SUGCT: variants seen among roughly 807,000 people sequenced by gnomAD.
SUGCT encodes the protein succinyl-CoA:glutarate CoA-transferase.
In SUGCT, 41 loss-of-function variants were observed where a neutral mutation model predicts 55.0. The ratio of observed to expected loss-of-function variants is 0.74; its 90% confidence interval spans 0.58 to 0.97. The LOEUF (loss-of-function observed/expected upper bound fraction) is 0.97. SUGCT is among the 50% of genes least tolerant of loss of function. The pLI, the probability that SUGCT is intolerant of heterozygous loss-of-function variation, is 0.00. For synonymous variants in SUGCT, 187 were observed against 200.4 expected (o/e 0.93, Z 0.56); for missense variants, 568 against 547.8 (o/e 1.04, Z -0.37).
the SUGCT span, among the ~76,000 whole-genome samples, chr7:41,018,174 C>T: frequency 6.6e-6 from 1 of 151,938 alleles, no homozygotes; most frequent in South Asian, 2.1e-4. Flanking sequence ...TGCCTATGGA[C>T]CGCTGCAAGG....
chr7:40,319,493 A>G (rs906655001), intron 9 of SUGCT, among the ~76,000 whole-genome samples: 12 of 152,158 alleles, frequency 7.9e-5, no homozygotes, highest in African/African-American at 2.9e-4. Flanking sequence ...GCTGTCTATA[A>G]TGGAAGACTC....
chr7:40,364,482 C>A (rs1385228422), intron 9 of SUGCT, among the ~76,000 whole-genome samples: 1 of 152,130 alleles, frequency 6.6e-6, no homozygotes, highest in African/African-American at 2.4e-5. Flanking sequence ...TTAGTGCTTC[C>A]TTCAGGAGCT....
the SUGCT span, among the ~76,000 whole-genome samples, chr7:40,889,222 A>G: frequency 6.6e-6 from 1 of 152,136 alleles, no homozygotes; most frequent in Admixed American, 6.5e-5. Context: ...GCTGGCTGTC[A>G]TGGCTCTCAA....
At chr7:40,156,922 C>G (rs528767522) in intron 1 of SUGCT, among the ~76,000 whole-genome samples, 1 of 147,926 alleles carries the variant, frequency 6.8e-6, no homozygotes, top group African/African-American at 2.5e-5. Context: ...GGCTGAGGTA[C>G]GAGAATCGCT....
intron 1 of SUGCT, among the ~76,000 whole-genome samples, chr7:40,175,764 T>C (rs1784895406): frequency 6.6e-6 from 1 of 152,102 alleles, no homozygotes; most frequent in Non-Finnish European, 1.5e-5. Flanking sequence ...TAACATTAAA[T>C]ATACTGCAAG....
chr7:40,435,011 C>T (rs922787615), intron 9 of SUGCT, among the ~76,000 whole-genome samples: 7 of 152,218 alleles, frequency 4.6e-5, no homozygotes, highest in South Asian at 2.1e-4. Flanking sequence ...TCCCATAGTT[C>T]GCCAAGCCGA....
chr7:40,646,345 G>A (rs973721235), intron 12 of SUGCT, among the ~76,000 whole-genome samples: 1 of 152,064 alleles, frequency 6.6e-6, no homozygotes, highest in Admixed American at 6.6e-5. Flanking sequence ...TTTTCAGAAA[G>A]CAGCCACTTT....
the SUGCT span, among the ~76,000 whole-genome samples, chr7:40,871,672 G>A: frequency 2.7e-5 from 3 of 109,632 alleles, no homozygotes; most frequent in Admixed American, 1.0e-4. Context: ...TAGTCCCCCC[G>A]CCCCCACCCC....
chr7:40,310,485 G>A (rs1003433880), intron 8 of SUGCT, among the ~76,000 whole-genome samples: 1 of 152,150 alleles, frequency 6.6e-6, no homozygotes, highest in Non-Finnish European at 1.5e-5. Flanking sequence ...GGAAATCTGA[G>A]TATGTGGGTT....
At chr7:40,916,070 T>TACACACAC in the SUGCT span, among the ~76,000 whole-genome samples, 125 of 144,844 alleles carry the variant, frequency 8.6e-4, no homozygotes, top group African/African-American at 2.5e-3. Context: ...TCTCTCTACA[T>TACACACAC]ACACACACAC....
At chr7:40,380,529 A>G (rs765243160) in intron 9 of SUGCT, among the ~76,000 whole-genome samples, 1 of 152,074 alleles carries the variant, frequency 6.6e-6, no homozygotes, top group Non-Finnish European at 1.5e-5. Context: ...TACTGTATTT[A>G]TGGCTTATTC....
At chr7:40,891,812 A>G in the SUGCT span, among the ~76,000 whole-genome samples, 1 of 152,178 alleles carries the variant, frequency 6.6e-6, no homozygotes, top group South Asian at 2.1e-4. Context: ...GATTGAGACC[A>G]TCCTGGCTAA....
intron 12 of SUGCT, among the ~76,000 whole-genome samples, chr7:40,524,845 A>C (rs1793721346): frequency 6.6e-6 from 1 of 152,250 alleles, no homozygotes; most frequent in African/African-American, 2.4e-5. Flanking sequence ...TTCAGCAATG[A>C]TTTGTGGCTG....
At chr7:40,242,415 G>T (rs749719811) in intron 7 of SUGCT, among the ~76,000 whole-genome samples, 1 of 151,796 alleles carries the variant, frequency 6.6e-6, no homozygotes, top group Non-Finnish European at 1.5e-5. Flanking sequence ...CAAGTGATTC[G>T]CCCACTTCGG....
the SUGCT span, among the ~76,000 whole-genome samples, chr7:41,031,610 G>T: frequency 6.6e-6 from 1 of 152,116 alleles, no homozygotes; most frequent in Non-Finnish European, 1.5e-5. Context: ...CCTACCTCCT[G>T]TTGGCTTTTC....
chr7:40,370,621 TGGG>T (rs1243791917), intron 9 of SUGCT, among the ~76,000 whole-genome samples: 1 of 55,050 alleles, frequency 1.8e-5, no homozygotes, highest in Non-Finnish European at 3.7e-5. Flanking sequence ...GAGAGAGAGA[TGGG>T]GGAGAGAGAG....
intron 1 of SUGCT, among the ~76,000 whole-genome samples, chr7:40,157,006 C>G (rs974980192): frequency 1.9e-5 from 2 of 107,080 alleles, no homozygotes; most frequent in African/African-American, 9.3e-5. Flanking sequence ...CAGAGCAAGA[C>G]TGTCTCAAAA....
intron 9 of SUGCT, among the ~76,000 whole-genome samples, chr7:40,343,035 G>T (rs1490157419): frequency 6.6e-6 from 1 of 152,062 alleles, no homozygotes; most frequent in African/African-American, 2.4e-5. Flanking sequence ...CATATAAGAA[G>T]GTTTCTATGT....
At chr7:40,433,639 G>C (rs1039483242) in intron 9 of SUGCT, among the ~76,000 whole-genome samples, 3 of 152,188 alleles carry the variant, frequency 2.0e-5, no homozygotes, top group Non-Finnish European at 4.4e-5. Flanking sequence ...TGGTGCTCAT[G>C]CTATTCTCTT....
Sources: gnomAD v4.1 joint callset for allele counts (sites outside exome capture counted in the v4.1 genomes callset) on GRCh38, gnomAD v4.1.1 for gene constraint, MANE v1.5 for transcripts, NCBI Gene and HGNC (gene_info 2026-07-23, HGNC 2026-07-21) for gene names.